Variants in TTLL11 observed in about 807,000 individuals in gnomAD.
TTLL11 encodes the protein tubulin polyglutamylase TTLL11.
TTLL11 carries 42 observed loss-of-function variants against 51.7 expected under a neutral mutation model. The observed-to-expected ratio is 0.81, with a 90% CI of 0.64 to 1.05. The LOEUF is 1.05. Among genes scored for constraint, TTLL11 ranks in the 50% least tolerant of loss-of-function variants. The pLI, the probability that TTLL11 is intolerant of heterozygous loss-of-function variation, is 0.00. For missense variants in TTLL11, 799 were observed against 940.4 expected (o/e 0.85, Z 1.97); for synonymous variants, 381 against 383.5 (o/e 0.99, Z 0.08).
chr9:121,941,839 CAA>C (rs1841484625), intron 6 of TTLL11, among the ~76,000 whole-genome samples: 2 of 152,186 alleles, frequency 1.3e-5, no homozygotes, highest in East Asian at 3.9e-4. Flanking sequence ...GCCAAAATCC[CAA>C]GAGTATCCTT....
rs532847107 is a variant in TTLL11 at position 121,877,658 on chromosome 9, C to T, written c.1482-6910G>A. ...ATCAAAACGCAACAAAACACAATAG[C>T]GATGATATTAATTGCACATACTATG... On this transcript the variant is annotated intron_variant, in intron 6 of 8. Transcript: ENST00000321582. Among the ~76,000 whole-genome samples the T allele has an allele frequency of 3.3e-5, 5 of 152,214 alleles. No individual in the cohort carries two copies. The East Asian group carries it at 5.8e-4, about 18-fold the overall frequency.
chr9:121,918,033 T>C (rs558234373), intron 6 of TTLL11, among the ~76,000 whole-genome samples: 2 of 152,218 alleles, frequency 1.3e-5, no homozygotes, highest in African/African-American at 4.8e-5. Flanking sequence ...CCTGTGAGCC[T>C]TGCAAAAAGG....
At chr9:122,056,184 C>A (rs1845286867) in intron 1 of TTLL11, among the ~76,000 whole-genome samples, 1 of 152,172 alleles carries the variant, frequency 6.6e-6, no homozygotes, top group South Asian at 2.1e-4. Flanking sequence ...AAAGGTGACT[C>A]GGCTTTGCCC....
chr9:121,826,191 T>C lies in TTLL11; in HGVS notation c.1841-3312A>G, dbSNP rs1222792664. On this transcript the variant is annotated intron_variant, in intron 8 of 8. Transcript: ENST00000321582. The stretch of plus-strand genomic sequence containing the variant: ...ATATATATAACCAGTAACCTATATA[T>C]ATATATATATATATATATATATATA... Among the ~76,000 whole-genome samples the C allele has an allele frequency of 5.8e-3, 582 of 101,042 alleles. 63 individuals are homozygous for C. Among genetic ancestry groups the C allele is most frequent in the African/African-American group, 0.027 (557 of 20,892 alleles). The allele number at this position is 101,042 out of a possible 152,430, so 66.3% of individuals were successfully genotyped here.
chr9:122,029,730 C>T (rs1310233246), intron 3 of TTLL11, among the ~76,000 whole-genome samples: 1 of 152,054 alleles, frequency 6.6e-6, no homozygotes. Context: ...TTAGTGTAGC[C>T]TAAGTGTACA....
chr9:121,834,295 C>T (rs1837114542), intron 8 of TTLL11, among the ~76,000 whole-genome samples: 1 of 152,156 alleles, frequency 6.6e-6, no homozygotes, highest in African/African-American at 2.4e-5. Context: ...AAGGACTCTA[C>T]ACATGGTAGA....
intron 6 of TTLL11, among the ~76,000 whole-genome samples, chr9:121,889,725 C>T (rs1008282405): frequency 3.3e-5 from 5 of 152,174 alleles, no homozygotes; most frequent in African/African-American, 1.2e-4. Flanking sequence ...CATGGTGAAA[C>T]CCCGTCTCTA....
intron 6 of TTLL11, among the ~76,000 whole-genome samples, chr9:121,898,962 C>T (rs1839648175): frequency 6.6e-6 from 1 of 152,212 alleles, no homozygotes; most frequent in African/African-American, 2.4e-5. Context: ...TTGCCTGGCT[C>T]CTGATAACTC....
intron 6 of TTLL11, among the ~76,000 whole-genome samples, chr9:121,973,361 T>C (rs1029363356): frequency 1.3e-5 from 2 of 152,214 alleles, no homozygotes; most frequent in Non-Finnish European, 2.9e-5. Flanking sequence ...TCTTACCATG[T>C]CCTAGTTACC....
intron 1 of TTLL11, among the ~76,000 whole-genome samples, chr9:122,073,929 A>G (rs1319693646): frequency 6.6e-6 from 1 of 152,178 alleles, no homozygotes; most frequent in Admixed American, 6.5e-5. Flanking sequence ...TTCCCCCAGC[A>G]CAGAGCATCC....
intron 3 of TTLL11, among the ~76,000 whole-genome samples, chr9:122,015,822 A>G (rs1843954680): frequency 6.7e-6 from 1 of 149,672 alleles, no homozygotes; most frequent in Non-Finnish European, 1.5e-5. Flanking sequence ...AAAAAAAAAA[A>G]AGAAAGAAAG....
intron 6 of TTLL11, among the ~76,000 whole-genome samples, chr9:121,921,285 C>G (rs181298402): frequency 4.6e-5 from 7 of 152,030 alleles, no homozygotes; most frequent in African/African-American, 1.7e-4. Flanking sequence ...CTGTTTTGTG[C>G]CAAGAAGTAT....
chr9:122,069,310 C>T (rs1845670700), intron 1 of TTLL11, among the ~76,000 whole-genome samples: 1 of 152,188 alleles, frequency 6.6e-6, no homozygotes, highest in African/African-American at 2.4e-5. Context: ...AGGTCAGAGA[C>T]ATTTCAAAGC....
At chr9:121,859,699 A>G (rs1188908990) in intron 8 of TTLL11, among the ~76,000 whole-genome samples, 1 of 152,154 alleles carries the variant, frequency 6.6e-6, no homozygotes, top group Non-Finnish European at 1.5e-5. Flanking sequence ...CCCTTCTCAC[A>G]TCCCTTTTTG....
At chr9:121,917,264 T>A (rs117905779) in intron 6 of TTLL11, among the ~76,000 whole-genome samples, 3 of 151,722 alleles carry the variant, frequency 2.0e-5, no homozygotes, top group Non-Finnish European at 2.9e-5. Context: ...AGGCCAGAAG[T>A]TCGAGACCGC....
intron 5 of TTLL11, among the ~76,000 whole-genome samples, 156 bp from the exon 6 acceptor site, chr9:121,974,280 C>T (rs1025281912): frequency 2.6e-5 from 4 of 152,062 alleles, no homozygotes; most frequent in East Asian, 1.9e-4. Context: ...TTAAGAATGT[C>T]GATTTCCTTT....
intron 1 of TTLL11, among the ~76,000 whole-genome samples, chr9:122,063,540 C>T (rs150666629): frequency 6.6e-6 from 1 of 152,298 alleles, no homozygotes; most frequent in East Asian, 1.9e-4. Flanking sequence ...GGTGCAAAAA[C>T]CATTACATTT....
At chr9:121,895,697 TTGTG>T (rs992552891) in intron 6 of TTLL11, among the ~76,000 whole-genome samples, 26 of 8,902 alleles carry the variant, frequency 2.9e-3, no homozygotes, top group African/African-American at 7.6e-3. Flanking sequence ...GAATGTGTGA[TTGTG>T]TGGGTTTGTG....
At chr9:121,836,918 T>C (rs1837195003) in intron 8 of TTLL11, among the ~76,000 whole-genome samples, 3 of 152,212 alleles carry the variant, frequency 2.0e-5, no homozygotes, top group Admixed American at 2.0e-4. Context: ...GAGCTGGAAG[T>C]GAATGCTGTT....
Sources: allele counts gnomAD v4.1 joint callset (sites outside exome capture counted in the v4.1 genomes callset), GRCh38; gene constraint gnomAD v4.1.1; transcripts MANE v1.5; gene names NCBI Gene and HGNC (gene_info 2026-07-23, HGNC 2026-07-21).